The following FXR1 variants were observed in gnomAD, a reference collection of about 807,000 sequenced individuals.
FXR1 encodes the protein FMR1 autosomal homolog 1.
In FXR1, 15 loss-of-function variants were observed where a neutral mutation model predicts 84.0. The ratio of observed to expected loss-of-function variants is 0.18; its 90% CI spans 0.12 to 0.27. The LOEUF (loss-of-function observed/expected upper bound fraction) is 0.27. Among genes scored for constraint, FXR1 ranks in the 10% least tolerant of loss-of-function variants. The pLI, the probability that FXR1 is intolerant of heterozygous loss-of-function variation, is 1.00. For missense variants in FXR1, 480 were observed against 774.4 expected (o/e 0.62, Z 4.51); for synonymous variants, 245 against 250.7 (o/e 0.98, Z 0.21).
chr3:180,965,695 A>G (rs1712735676), intron 13 of FXR1, among the ~76,000 whole-genome samples: 1 of 152,216 alleles, frequency 6.6e-6, no homozygotes, highest in African/African-American at 2.4e-5. Flanking sequence ...CCTTAACCTT[A>G]GTCACATTTG....
chr3:180,960,356 C>T (rs1262294858), intron 10 of FXR1, among the ~76,000 whole-genome samples: 1 of 152,198 alleles, frequency 6.6e-6, no homozygotes, highest in Non-Finnish European at 1.5e-5. Flanking sequence ...TACCTGAGCA[C>T]ATACTGTAGG....
intron 1 of FXR1, among the ~76,000 whole-genome samples, chr3:180,928,448 C>T (rs1719490009): frequency 7.1e-6 from 1 of 141,604 alleles, no homozygotes; most frequent in South Asian, 2.3e-4. Context: ...CCACCCCAAA[C>T]ACATACACAC....
intron 1 of FXR1, among the ~76,000 whole-genome samples, chr3:180,917,733 G>A (rs559458618): frequency 5.8e-4 from 88 of 152,128 alleles, no homozygotes; most frequent in African/African-American, 2.1e-3. Context: ...TGGATCACGA[G>A]GTCAGGAGTT....
chr3:180,977,607 TAAC>T lies in FXR1; in HGVS notation c.*1318_*1320del, dbSNP rs1476535773. 1 of 152,160 alleles carries T rather than the reference TAAC, an allele frequency of 6.6e-6. No individual in the cohort carries two copies. The highest frequency in any genetic ancestry group is 1.5e-5 in the Non-Finnish European group (1 of 67,992). 9.4% of individuals were successfully genotyped at this position (152,160 alleles called of 1,614,324 possible). A position where few individuals can be genotyped will look rare whatever the true frequency, so the allele number is the denominator to read the frequency against. Reference sequence around the variant, plus strand: ...TTTATGAAGATAAAGACATGAAGTTTAACAATGGACAACAGTTAGTACAGCTAA... The same window carrying T: ...TTTATGAAGATAAAGACATGAAGTTTAATGGACAACAGTTAGTACAGCTAA... On this transcript the variant is annotated 3_prime_UTR_variant, in exon 17 of 17. Transcript: ENST00000357559.
chr3:180,938,047 G>A (rs1720719161), intron 3 of FXR1, among the ~76,000 whole-genome samples: 1 of 151,966 alleles, frequency 6.6e-6, no homozygotes, highest in Admixed American at 6.6e-5. Flanking sequence ...AAACATTTTC[G>A]TGTCTTCTCA....
chr3:180,956,812 A>T (rs1722784300), intron 9 of FXR1, among the ~76,000 whole-genome samples: 1 of 152,100 alleles, frequency 6.6e-6, no homozygotes, highest in African/African-American at 2.4e-5. Context: ...CTTTTATTGT[A>T]CTGACCAGTC....
rs1329626774 is a variant in FXR1 at position 180,982,378 on chromosome 3, G to A, written c.*6086G>A. The A allele has an allele frequency of 1.2e-4, 19 of 152,014 alleles. No homozygotes were observed. Among genetic ancestry groups the A allele is most frequent in the Admixed American group, 9.8e-4 (15 of 15,246 alleles). The allele number at this position is 152,014 out of a possible 1,614,324, so 9.4% of individuals were successfully genotyped here. ...CACATGGATAACATTTAAATGTTCA[G>A]TTTGCCTAATAGCCTTCAATGAAAC... On this transcript the variant is annotated 3_prime_UTR_variant, in exon 17 of 17. Transcript: ENST00000357559.
At chr3:180,955,976 TACAAGA>T (rs1298285124) in intron 9 of FXR1, among the ~76,000 whole-genome samples, 2 of 152,192 alleles carry the variant, frequency 1.3e-5, no homozygotes, top group Non-Finnish European at 2.9e-5. Flanking sequence ...TCAGGAGTAG[TACAAGA>T]ATTTCTATTG....
chr3:180,935,350 A>T (rs551501130), intron 3 of FXR1, 119 bp downstream of exon 3: 1 of 603,612 alleles, frequency 1.7e-6, no homozygotes, highest in Non-Finnish European at 3.0e-6. Flanking sequence ...TATTCTTTCT[A>T]TTGGTGGTAA....
At chr3:180,965,626 C>A (rs1712727025) in intron 13 of FXR1, among the ~76,000 whole-genome samples, 1 of 152,070 alleles carries the variant, frequency 6.6e-6, no homozygotes, top group African/African-American at 2.4e-5. Context: ...TTTTAAAGAC[C>A]CAGTGAGATT....
Position 180,976,708 on chromosome 3 carries a change from CTAAAA to C in FXR1, c.*419_*423del, listed in dbSNP as rs1714276929. 1 of 153,044 alleles carries C rather than the reference CTAAAA, an allele frequency of 6.5e-6. No homozygotes were observed. The highest frequency in any genetic ancestry group is 2.4e-5 in the African/African-American group (1 of 41,436). The allele number at this position is 153,044 out of a possible 1,614,324, so 9.5% of individuals were successfully genotyped here. ...GAGGAAAACTAGAATGAAATGCAGTCTAAAATATTTTGCACTGAATTGTAATTTCT... is the reference window on the plus strand; with the variant it reads ...GAGGAAAACTAGAATGAAATGCAGTCTATTTTGCACTGAATTGTAATTTCT... On this transcript the variant is annotated 3_prime_UTR_variant, in exon 17 of 17. Transcript: ENST00000357559.
intron 3 of FXR1, among the ~76,000 whole-genome samples, chr3:180,943,977 C>A (rs557763271): frequency 2.0e-5 from 3 of 151,834 alleles, no homozygotes; most frequent in African/African-American, 7.3e-5. Flanking sequence ...AGGGCAATGG[C>A]GCGATCTCAG....
At chr3:180,936,685 G>T (rs973073200) in intron 3 of FXR1, among the ~76,000 whole-genome samples, 2 of 152,274 alleles carry the variant, frequency 1.3e-5, no homozygotes, top group African/African-American at 4.8e-5. Context: ...CCACTTTGGT[G>T]GAAGTCAAAG....
At chr3:180,975,768 T>C (rs1468436513) in intron 16 of FXR1, among the ~76,000 whole-genome samples, 1 of 152,216 alleles carries the variant, frequency 6.6e-6, no homozygotes, top group Non-Finnish European at 1.5e-5. Flanking sequence ...TATGTAAATG[T>C]GATTTCTCAA....
rs200358370 is a variant in FXR1, at chr3:180,953,816, A to T, written c.856A>T (p.Ile286Phe). 1 of 1,576,530 alleles carries T rather than the reference A, an allele frequency of 6.3e-7. No homozygotes were observed. The highest frequency in any genetic ancestry group is 1.3e-5 in the African/African-American group (1 of 74,324). ...RGFLEFVEDFIQVPRNLVGKV... is the reference protein window; with the variant it reads ...RGFLEFVEDFFQVPRNLVGKV... ...TTTCTTGGAATTTGTGGAGGATTTT[A>T]TTCAGGTTCCTAGGAATCTCGTTGG... Residue 286 changes from isoleucine to phenylalanine, a missense_variant, in exon 9 of 17, where the codon ATT (isoleucine) becomes TTT (phenylalanine). Physicochemically the swap from Ile to Phe is conservative, Grantham distance 21. Around this residue, in one of 6 missense-constraint regions of FXR1, gnomAD observed 136 missense variants for 315.4 expected, o/e 0.43. Transcript: ENST00000357559.
At chr3:180,951,091 T>C (rs1451901068) in intron 7 of FXR1, among the ~76,000 whole-genome samples, 1 of 151,232 alleles carries the variant, frequency 6.6e-6, no homozygotes, top group African/African-American at 2.4e-5. Flanking sequence ...GGCTCAGTGG[T>C]GCGTGCCTGT....
At chr3:180,965,659 C>A (rs896281665) in intron 13 of FXR1, among the ~76,000 whole-genome samples, 1 of 152,162 alleles carries the variant, frequency 6.6e-6, no homozygotes, top group Non-Finnish European at 1.5e-5. Flanking sequence ...CCTGGATAAT[C>A]CAGGATAATC....
At chr3:180,957,142 A>G (rs1722818319) in intron 9 of FXR1, among the ~76,000 whole-genome samples, 1 of 151,974 alleles carries the variant, frequency 6.6e-6, no homozygotes, top group Non-Finnish European at 1.5e-5. Flanking sequence ...CCCTTTATTT[A>G]TTAATATACT....
At chr3:180,943,162 T>G (rs899119730) in intron 3 of FXR1, among the ~76,000 whole-genome samples, 9 of 151,888 alleles carry the variant, frequency 5.9e-5, no homozygotes, top group Non-Finnish European at 1.0e-4. Flanking sequence ...AGACGGGGTT[T>G]CACCATATTG....
Sources: allele counts gnomAD v4.1 joint callset (sites outside exome capture counted in the v4.1 genomes callset), GRCh38; gene constraint gnomAD v4.1.1; regional missense constraint gnomAD v4.1.1; transcripts MANE v1.5; gene names NCBI Gene and HGNC (gene_info 2026-07-23, HGNC 2026-07-21).